NT5DC1: variants seen among roughly 807,000 people sequenced by gnomAD.
NT5DC1 encodes the protein 5'-nucleotidase domain containing 1.
A neutral mutation model predicts 59.4 loss-of-function variants in NT5DC1; 42 were observed. That is an observed-to-expected ratio of 0.71 (90% CI 0.55 to 0.92). The LOEUF (loss-of-function observed/expected upper bound fraction) is 0.92, where lower values mean the gene tolerates loss of function less well. Among genes scored for constraint, NT5DC1 ranks in the 40% least tolerant of loss-of-function variants. The probability of loss-of-function intolerance (pLI) is 0.00; values close to 1 mark genes in which losing one functional copy is unlikely to be tolerated. For missense variants in NT5DC1, 501 were observed against 537.1 expected (o/e 0.93, Z 0.66); for synonymous variants, 172 against 188.1 (o/e 0.91, Z 0.70).
At chr6:116,216,314 G>C (rs1781686504) in intron 6 of NT5DC1, among the ~76,000 whole-genome samples, 1 of 151,578 alleles carries the variant, frequency 6.6e-6, no homozygotes. Context: ...AAGAATTCTG[G>C]TTTTTATATT....
At chr6:116,136,885 C>G (rs1779620669) in intron 6 of NT5DC1, among the ~76,000 whole-genome samples, 1 of 152,146 alleles carries the variant, frequency 6.6e-6, no homozygotes, top group Admixed American at 6.5e-5. Context: ...TGAGCCATTT[C>G]TGTACAAGAA....
At chr6:116,222,995 T>G (rs1582881403) in intron 7 of NT5DC1, 39 bp from the exon 8 acceptor site, 8 of 1,088,198 alleles carry the variant, frequency 7.4e-6, no homozygotes, top group Admixed American at 1.8e-5. Flanking sequence ...CCTTTTCTAA[T>G]TCTTAAAATA....
In NT5DC1 at chr6:116,248,097, A is replaced by G. The variant is rs1189847870; in HGVS notation, c.*4073A>G. On this transcript the variant is annotated 3_prime_UTR_variant, in exon 12 of 12. Transcript: ENST00000319550. ...CATAACCTTCAACTGAGGCCTGAAT[A>G]GTCATGTGTCAGTAGGGTTTTTGTT... 1 of 152,244 alleles carries G rather than the reference A, an allele frequency of 6.6e-6. No individual in the cohort carries two copies. The highest frequency in any genetic ancestry group is 1.5e-5 in the Non-Finnish European group (1 of 68,036). The allele number at this position is 152,244 out of a possible 1,614,324, so 9.4% of individuals were successfully genotyped here.
intron 6 of NT5DC1, chr6:116,122,033 T>A: frequency 7.7e-7 from 1 of 1,295,494 alleles, no homozygotes; most frequent in Non-Finnish European, 1.1e-6. Context: ...TCATTGCCTT[T>A]CAAACTATGA....
intron 6 of NT5DC1, among the ~76,000 whole-genome samples, chr6:116,212,535 G>T (rs1781600953): frequency 6.6e-6 from 1 of 152,062 alleles, no homozygotes. Flanking sequence ...AGTAAGAAAA[G>T]ATATTTCTGA....
At chr6:116,162,847 G>A (rs60311843) in intron 6 of NT5DC1, among the ~76,000 whole-genome samples, 32,012 of 151,784 alleles carry the variant, frequency 0.21, 3,536 homozygotes, top group East Asian at 0.27. Flanking sequence ...TTTTTAGGCC[G>A]GGCACAGTGG....
chr6:116,176,014 T>TG (rs1374179211), intron 6 of NT5DC1, among the ~76,000 whole-genome samples: 1 of 152,194 alleles, frequency 6.6e-6, no homozygotes, highest in African/African-American at 2.4e-5. Flanking sequence ...TGCTGGACAT[T>TG]GTGTGAACAT....
intron 6 of NT5DC1, among the ~76,000 whole-genome samples, chr6:116,170,067 A>G (rs1780569977): frequency 6.6e-6 from 1 of 152,240 alleles, no homozygotes; most frequent in East Asian, 1.9e-4. Flanking sequence ...GACATTGTCC[A>G]TAGCTAATCC....
intron 6 of NT5DC1, among the ~76,000 whole-genome samples, chr6:116,211,535 G>C (rs1324631652): frequency 1.3e-5 from 2 of 151,720 alleles, no homozygotes; most frequent in Non-Finnish European, 2.9e-5. Context: ...TTGTATATTT[G>C]GTTATTCTTA....
chr6:116,126,348 C>T (rs547206614), intron 6 of NT5DC1, among the ~76,000 whole-genome samples: 30 of 152,002 alleles, frequency 2.0e-4, no homozygotes, highest in African/African-American at 7.2e-4. Flanking sequence ...TAGTTTTAAC[C>T]AAGGACCGTC....
At chr6:116,194,145 G>A (rs953971100) in intron 6 of NT5DC1, among the ~76,000 whole-genome samples, 6 of 152,028 alleles carry the variant, frequency 3.9e-5, no homozygotes, top group Non-Finnish European at 8.8e-5. Context: ...TGATGTCATG[G>A]TCCAATCAGA....
At chr6:116,122,658 A>T (rs1283962113) in intron 6 of NT5DC1, among the ~76,000 whole-genome samples, 1 of 152,260 alleles carries the variant, frequency 6.6e-6, no homozygotes, top group African/African-American at 2.4e-5. Flanking sequence ...ACTAAAAATC[A>T]TAGTGCCTGT....
intron 2 of NT5DC1, among the ~76,000 whole-genome samples, chr6:116,107,373 G>A (rs1778785567): frequency 6.6e-6 from 1 of 150,872 alleles, no homozygotes; most frequent in Non-Finnish European, 1.5e-5. Context: ...TCCTTCTAAA[G>A]TACCCTGTCA....
At chr6:116,111,955 G>T (rs931515514) in intron 4 of NT5DC1, among the ~76,000 whole-genome samples, 1 of 152,128 alleles carries the variant, frequency 6.6e-6, no homozygotes, top group Admixed American at 6.5e-5. Context: ...GTGTAAACAG[G>T]CTCTTCCTTT....
intron 8 of NT5DC1, among the ~76,000 whole-genome samples, chr6:116,229,724 A>G (rs1406761370): frequency 6.6e-6 from 1 of 152,172 alleles, no homozygotes; most frequent in Admixed American, 6.5e-5. Flanking sequence ...AGTGTCGCCA[A>G]TGCTGCTAGC....
intron 6 of NT5DC1, among the ~76,000 whole-genome samples, chr6:116,160,577 T>C (rs960231175): frequency 6.6e-6 from 1 of 152,236 alleles, no homozygotes; most frequent in African/African-American, 2.4e-5. Context: ...ATATTGTCTA[T>C]TTGCTGTGTT....
chr6:116,186,495 C>G (rs926450685), intron 6 of NT5DC1, among the ~76,000 whole-genome samples: 2 of 151,994 alleles, frequency 1.3e-5, no homozygotes, highest in Non-Finnish European at 2.9e-5. Flanking sequence ...GATTTCTCTT[C>G]TTCCTCAGGA....
chr6:116,176,707 C>T (rs1324183608), intron 6 of NT5DC1, among the ~76,000 whole-genome samples: 1 of 152,158 alleles, frequency 6.6e-6, no homozygotes, highest in African/African-American at 2.4e-5. Flanking sequence ...ACTTGCTGCC[C>T]TTCCTCCAGC....
rs78163555 is a variant in NT5DC1 at position 116,221,153 on chromosome 6, A to T, written c.629A>T (p.Asn210Ile). ...SVKKWLRQLK[N>I]AGKILLLITS... ...AAAAAATGGCTTCGACAGCTAAAGA[A>T]TGCTGGGAAAATTCTTCTGTTAATT... The change falls in exon 7 of 12, where the codon AAT (asparagine) becomes ATT (isoleucine). Residue 210 changes from asparagine (N) to isoleucine (I), a missense_variant. Transcript: ENST00000319550. 16 of 1,589,700 alleles carry T rather than the reference A, an allele frequency of 1.0e-5. No individual in the cohort carries two copies. The East Asian group carries it at 3.4e-4, about 33-fold the overall frequency.
Sources: allele counts gnomAD v4.1 joint callset (sites outside exome capture counted in the v4.1 genomes callset), GRCh38; gene constraint gnomAD v4.1.1; transcripts MANE v1.5; gene names NCBI Gene and HGNC (gene_info 2026-07-23, HGNC 2026-07-21).